Variants in SPTB observed in about 807,000 individuals in gnomAD.
The protein encoded by SPTB is spectrin beta chain, erythrocytic.
Under a neutral mutation model 256.2 loss-of-function variants are expected in SPTB, and 45 were observed. That is an observed-to-expected ratio of 0.18 (90% CI 0.14 to 0.23). SPTB has a LOEUF of 0.23. Ranked by LOEUF, SPTB falls within the 10% of genes least tolerant of loss-of-function variation. The probability of loss-of-function intolerance (pLI) is 1.00; values close to 1 mark genes in which losing one functional copy is unlikely to be tolerated. For synonymous variants in SPTB, 1,231 were observed against 1,243.1 expected (o/e 0.99, Z 0.21); for missense variants, 2,715 against 3,040.4 (o/e 0.89, Z 2.52).
In SPTB at chr14:64,810,143, T is replaced by C. The variant is rs77680224; in HGVS notation, c.149-5053A>G. 1.5e-3 allele frequency among the ~76,000 whole-genome samples: 221 copies of C among 152,350 alleles called. 2 individuals carry two copies. The East Asian group carries it at 0.016, about 11-fold the overall frequency. ...AGTGTAAACTTATAGTAAAACTGTG[T>C]TGTACTAGCATATGAAAAGATGGAT... On this transcript the variant is annotated intron_variant, in intron 2 of 35. Coordinates refer to ENST00000644917, the MANE Select transcript of SPTB (RefSeq NM_001355436.2).
At chr14:64,766,972 G>T (rs534667951) in intron 31 of SPTB, among the ~76,000 whole-genome samples, 171 bp from the exon 32 acceptor site, 1 of 152,274 alleles carries the variant, frequency 6.6e-6, no homozygotes, top group East Asian at 1.9e-4. Context: ...CGACTTCTTC[G>T]GAAAAGCCAA....
chr14:64,795,397 C>G lies in SPTB; in HGVS notation c.1584G>C (p.Leu528=). The part of the protein sequence containing the change: ...QSRRQRLETT[L]ALQKLFQDML... ...TGTCCTGGAAGAGCTTCTGCAGTGC[C>G]AGGGTGGTCTCGAGCCTCTGGCGCC... Residue 528 remains leucine, a synonymous_variant, in exon 12 of 36, where the codon CTG becomes CTC. Coordinates refer to ENST00000644917, the MANE Select transcript of SPTB (RefSeq NM_001355436.2). The surrounding 1 kb of genome is among the most constrained non-coding windows in gnomAD (Gnocchi z 6.5). 1 of 1,614,052 alleles carries G rather than the reference C, an allele frequency of 6.2e-7. No homozygotes were observed. Among genetic ancestry groups the G allele is most frequent in the African/African-American group, 1.3e-5 (1 of 75,070 alleles).
rs1341189178 is a variant in SPTB at position 64,774,459 on chromosome 14, G to A, written c.4911C>T (p.Gly1637=). The A allele has an allele frequency of 6.4e-7, 1 of 1,564,380 alleles. No homozygotes were observed. Among genetic ancestry groups the A allele is most frequent in the Admixed American group, 1.9e-5 (1 of 53,102 alleles). The change falls in exon 24 of 36, where the codon GGC becomes GGT. Residue 1637 remains glycine (G), a synonymous_variant. Coordinates refer to ENST00000644917, the MANE Select transcript of SPTB (RefSeq NM_001355436.2). The part of the protein sequence containing the change: ...LRQQRAVEDY[G]RNIKQLASRA... Reference sequence around the variant, plus strand: ...GGCTGGCCAGCTGCTTGATGTTCCGGCCGTAGTCCTCCACCGCACGCTGCT... The same window carrying A: ...GGCTGGCCAGCTGCTTGATGTTCCGACCGTAGTCCTCCACCGCACGCTGCT...
Position 64,782,435 on chromosome 14 carries a change from T to C in SPTB, c.4121A>G (p.His1374Arg), listed in dbSNP as rs10132778. ...LQATTKEKTQ[H>R]LSAARSSDLR... is the part of the protein sequence containing the mutation. Reference sequence around the variant, plus strand: ...GTCGGAGCTCCTGGCAGCCGAGAGGTGCTGGGTCTTCTCCTTTGTGGTGGC... The same window carrying C: ...GTCGGAGCTCCTGGCAGCCGAGAGGCGCTGGGTCTTCTCCTTTGTGGTGGC... The change falls in exon 20 of 36, where the codon CAC (histidine) becomes CGC (arginine). Residue 1374 changes from histidine to arginine, a missense_variant. By Grantham distance (29) the His-to-Arg change is conservative (BLOSUM62 0). This residue lies in a region of SPTB where 2,239 missense variants were observed against 2,384.4 expected (regional missense o/e 0.94). Coordinates refer to ENST00000644917, the MANE Select transcript of SPTB (RefSeq NM_001355436.2). 52,922 of 1,614,044 alleles carry C rather than the reference T, an allele frequency of 0.033. 1,041 individuals carry two copies. Among genetic ancestry groups the C allele is most frequent in the South Asian group, 0.068 (6,182 of 91,080 alleles).
chr14:64,782,318 C>G lies in SPTB; in HGVS notation c.4238G>C (p.Ser1413Thr). The change falls in exon 20 of 36, where the codon AGT (serine) becomes ACT (threonine). Residue 1413 changes from serine to threonine, a missense_variant. Physicochemically the swap from Ser to Thr is moderately conservative, Grantham distance 58. This residue lies in a region of SPTB where 2,239 missense variants were observed against 2,384.4 expected (regional missense o/e 0.94). Coordinates refer to ENST00000644917, the MANE Select transcript of SPTB (RefSeq NM_001355436.2). ...RSDDPGKDLTSVNRMLAKLKR... is the reference protein window; with the variant it reads ...RSDDPGKDLTTVNRMLAKLKR... ...CAGCTTAGCCAACATCCGATTGACA[C>G]TGGTCAGGTCCTTGCCCGGGTCGTC... The G allele has an allele frequency of 6.2e-7, 1 of 1,614,252 alleles. No individual in the cohort carries two copies. The highest frequency in any genetic ancestry group is 8.5e-7 in the Non-Finnish European group (1 of 1,180,046).
chr14:64,811,889 T>C (rs1180827736), intron 2 of SPTB, among the ~76,000 whole-genome samples: 1 of 152,250 alleles, frequency 6.6e-6, no homozygotes, highest in Non-Finnish European at 1.5e-5. Context: ...AGGGTATAAC[T>C]GGCTCAACCT....
At chr14:64,840,637 A>G (rs2083591119) in intron 1 of SPTB, among the ~76,000 whole-genome samples, 1 of 152,178 alleles carries the variant, frequency 6.6e-6, no homozygotes, top group African/African-American at 2.4e-5. Flanking sequence ...GAAGGAGCGA[A>G]CCTATTCACA....
In SPTB at chr14:64,775,521, G is replaced by C. The variant is rs1456643380; in HGVS notation, c.4564-118C>G. 7.4e-7 allele frequency: 1 copy of C among 1,346,430 alleles called. No individual in the cohort carries two copies. Among genetic ancestry groups the C allele is most frequent in the African/African-American group, 1.5e-5 (1 of 68,608 alleles). 83.4% of individuals were successfully genotyped at this position (1,346,430 alleles called of 1,614,324 possible). On this transcript the variant is annotated intron_variant, in intron 22 of 35. Transcript: ENST00000644917. This position sits in a 1 kb window ranked among gnomAD's most constrained non-coding sequence, Gnocchi z 5.0. Reference sequence around the variant, plus strand: ...CCCTCTCACCCCCGTTGCTAGAGCAGAGCAGGTGATGGCGATAAGAACTAC... The same window carrying C: ...CCCTCTCACCCCCGTTGCTAGAGCACAGCAGGTGATGGCGATAAGAACTAC...
In SPTB at chr14:64,766,717, G is replaced by A; in HGVS notation, c.6345+9C>T. ...CCCAGGAACTAGACAAACGAGACCA[G>A]AGACTGACCGGGGACGTTCTCTCGG... On this transcript the variant is annotated intron_variant, in intron 32 of 35. Transcript: ENST00000644917. 1.2e-6 allele frequency: 2 copies of A among 1,613,670 alleles called. No homozygotes were observed. The highest frequency in any genetic ancestry group is 1.1e-5 in the South Asian group (1 of 91,078).
Position 64,823,192 on chromosome 14 carries a change from G to A in SPTB, c.-51-47C>T, listed in dbSNP as rs2083324778. 1 of 1,486,250 alleles carries A rather than the reference G, an allele frequency of 6.7e-7. No homozygotes were observed. Among genetic ancestry groups the A allele is most frequent in the Non-Finnish European group, 9.4e-7 (1 of 1,069,366 alleles). The allele number at this position is 1,486,250 out of a possible 1,614,324, so 92.1% of individuals were successfully genotyped here. ...AGAGGGTTATCTCTCTACCCCCTCG[G>A]ACTTTTTCTCCGGGGAAACTTATTC... On this transcript the variant is annotated intron_variant, in intron 1 of 35. Coordinates refer to ENST00000644917, the MANE Select transcript of SPTB (RefSeq NM_001355436.2). The surrounding 1 kb of genome is among the most constrained non-coding windows in gnomAD (Gnocchi z 6.5).
intron 32 of SPTB, among the ~76,000 whole-genome samples, chr14:64,763,155 A>C (rs150530778): frequency 7.2e-4 from 110 of 152,260 alleles, no homozygotes; most frequent in Admixed American, 1.7e-3. Flanking sequence ...CTCTCACCAC[A>C]CATTACACTG....
At chr14:64,840,660 C>A (rs540791163) in intron 1 of SPTB, among the ~76,000 whole-genome samples, 1 of 152,348 alleles carries the variant, frequency 6.6e-6, no homozygotes, top group East Asian at 1.9e-4. Flanking sequence ...CCTCACCTGG[C>A]TGAGCTGTGA....
intron 1 of SPTB, among the ~76,000 whole-genome samples, chr14:64,874,075 T>C (rs1039216314): frequency 4.1e-4 from 62 of 152,312 alleles, no homozygotes; most frequent in Admixed American, 2.2e-3. Flanking sequence ...AAACTTCCAG[T>C]GGCTCAAACT....
At chr14:64,804,215 C>T (rs1442333621) in intron 3 of SPTB, among the ~76,000 whole-genome samples, 2 of 152,228 alleles carry the variant, frequency 1.3e-5, no homozygotes, top group African/African-American at 2.4e-5. Flanking sequence ...CCAGTGATAA[C>T]TGCATCATCT....
At chr14:64,867,743 A>C (rs1882272539) in intron 1 of SPTB, among the ~76,000 whole-genome samples, 1 of 151,838 alleles carries the variant, frequency 6.6e-6, no homozygotes, top group South Asian at 2.1e-4. Context: ...AATCCCAGCC[A>C]CTCGGGAGGC....
At chr14:64,811,956 C>G (rs563444954) in intron 2 of SPTB, among the ~76,000 whole-genome samples, 1 of 152,124 alleles carries the variant, frequency 6.6e-6, no homozygotes, top group Non-Finnish European at 1.5e-5. Context: ...TGCTTTTGGA[C>G]CCAGTAATTC....
chr14:64,764,194 G>A lies in SPTB; in HGVS notation c.6345+2532C>T, dbSNP rs910351488. ...GAGAGGCCTGCGGTTCTGTGAAGGGGTAGTTCCAGGCAGGCTGGAAGGACC... is the reference window on the plus strand; with the variant it reads ...GAGAGGCCTGCGGTTCTGTGAAGGGATAGTTCCAGGCAGGCTGGAAGGACC... On this transcript the variant is annotated intron_variant, in intron 32 of 35. Transcript: ENST00000644917. This position sits in a 1 kb window ranked among gnomAD's most constrained non-coding sequence, Gnocchi z 4.2. 5.3e-5 allele frequency among the ~76,000 whole-genome samples: 8 copies of A among 152,314 alleles called. 1 individual carries two copies. The South Asian group carries it at 1.4e-3, about 28-fold the overall frequency.
rs1396334985 is a variant in SPTB at position 64,793,346 on chromosome 14, G to T, written c.2317C>A (p.Gln773Lys). ...AGGGCCCGCGTGGCCCCTTCGTCCTGCCCCACATCTTCACCAGAGAGCAGC... is the reference window on the plus strand; with the variant it reads ...AGGGCCCGCGTGGCCCCTTCGTCCTTCCCCACATCTTCACCAGAGAGCAGC... ...HRLLSGEDVG[Q>K]DEGATRALGK... Residue 773 changes from glutamine to lysine, a missense_variant, in exon 14 of 36, where the codon CAG becomes AAG. Physicochemically the swap from Gln to Lys is moderately conservative, Grantham distance 53 (BLOSUM62 1). Coordinates refer to ENST00000644917, the MANE Select transcript of SPTB (RefSeq NM_001355436.2). This position sits in a 1 kb window ranked among gnomAD's most constrained non-coding sequence, Gnocchi z 7.0. The T allele has an allele frequency of 1.2e-6, 2 of 1,611,160 alleles. No homozygotes were observed. The highest frequency in any genetic ancestry group is 1.1e-5 in the South Asian group (1 of 91,092).
chr14:64,752,051 G>A (rs1422191390), intron 33 of SPTB, among the ~76,000 whole-genome samples: 2 of 151,872 alleles, frequency 1.3e-5, no homozygotes, highest in Admixed American at 6.6e-5. Context: ...CCAAAATTGA[G>A]CCAGTTCACT....
Sources: allele counts gnomAD v4.1 joint callset (sites outside exome capture counted in the v4.1 genomes callset), GRCh38; gene constraint gnomAD v4.1.1; regional missense constraint gnomAD v4.1.1; non-coding constraint Gnocchi (gnomAD v3.1); transcripts MANE v1.5; gene names NCBI Gene and HGNC (gene_info 2026-07-23, HGNC 2026-07-21).